TRAK1: variants seen among roughly 807,000 people sequenced by gnomAD.
The protein encoded by TRAK1 is trafficking kinesin protein 1.
TRAK1 carries 33 observed loss-of-function variants against 92.1 expected under a neutral mutation model. The ratio of observed to expected loss-of-function variants is 0.36; its 90% CI spans 0.27 to 0.48. The LOEUF is 0.48. Among genes scored for constraint, TRAK1 ranks in the 20% least tolerant of loss-of-function variants. The pLI is 0.99. For synonymous variants in TRAK1, 521 were observed against 517.3 expected (o/e 1.01, Z -0.10); for missense variants, 1,123 against 1,257.9 (o/e 0.89, Z 1.62).
At chr3:42,152,793 TAAAG>T (rs757826219) in intron 2 of TRAK1, among the ~76,000 whole-genome samples, 3 of 152,200 alleles carry the variant, frequency 2.0e-5, no homozygotes, top group Non-Finnish European at 4.4e-5. Flanking sequence ...GTCCTTATGT[TAAAG>T]AAACAGCCCT....
At chr3:42,196,879 C>T (rs559058874) in intron 10 of TRAK1, among the ~76,000 whole-genome samples, 80 of 151,932 alleles carry the variant, frequency 5.3e-4, no homozygotes, top group African/African-American at 1.8e-3. Context: ...ACAGCTGCCT[C>T]ACAACACCAC....
At chr3:42,212,390 G>C in intron 14 of TRAK1, 1 of 985,396 alleles carries the variant, frequency 1.0e-6, no homozygotes, top group Non-Finnish European at 1.2e-6. Flanking sequence ...ATGTGCAGCT[G>C]GTATGATAGA....
intron 13 of TRAK1, 47 bp from the exon 14 acceptor site, chr3:42,209,720 C>T (rs755674214): frequency 4.5e-6 from 7 of 1,571,556 alleles, no homozygotes; most frequent in Non-Finnish European, 6.1e-6. Context: ...CCATCCTAAC[C>T]CTCTCTTCTC....
At chr3:42,018,942 T>G (rs1320589163) in intron 1 of TRAK1, among the ~76,000 whole-genome samples, 2 of 152,040 alleles carry the variant, frequency 1.3e-5, no homozygotes, top group Non-Finnish European at 1.5e-5. Flanking sequence ...GCCAACATGG[T>G]GAAACCCCGT....
intron 2 of TRAK1, among the ~76,000 whole-genome samples, chr3:42,128,909 T>A (rs2149158593): frequency 6.6e-6 from 1 of 152,378 alleles, no homozygotes; most frequent in African/African-American, 2.4e-5. Flanking sequence ...TACACTGGAA[T>A]TCTGTCTTAT....
At position 42,193,838 on chromosome 3, in the gene TRAK1, T is replaced by C. The variant is rs1288223185; in HGVS notation, c.915T>C (p.Asn305=). ...CCATGCTTTAGTGCGCAGTGGAAAA[T>C]GAAGAACTTGTCCAGCATCTGGGGG... ...QKKAKACAVE[N]EELVQHLGAA... The change falls in exon 9 of 16, where the codon AAT becomes AAC. Residue 305 remains asparagine (N), a synonymous_variant. Coordinates refer to ENST00000327628, the MANE Select transcript of TRAK1 (RefSeq NM_001042646.3). 2 of 1,613,926 alleles carry C rather than the reference T, an allele frequency of 1.2e-6. No homozygotes were observed. Among genetic ancestry groups the C allele is most frequent in the Admixed American group, 1.7e-5 (1 of 59,986 alleles).
At chr3:42,079,304 C>T (rs1704311762) in intron 1 of TRAK1, among the ~76,000 whole-genome samples, 1 of 152,102 alleles carries the variant, frequency 6.6e-6, no homozygotes, top group Non-Finnish European at 1.5e-5. Flanking sequence ...CTTGGTATAT[C>T]AGATGCCTCT....
At chr3:42,198,646 C>T (rs1229412101) in intron 10 of TRAK1, among the ~76,000 whole-genome samples, 3 of 152,030 alleles carry the variant, frequency 2.0e-5, no homozygotes, top group Non-Finnish European at 2.9e-5. Context: ...AAGGCTTCCC[C>T]AGGAGCCGAA....
At chr3:42,082,766 G>A (rs1364798364), upstream of TRAK1, among the ~76,000 whole-genome samples, 1 of 152,206 alleles carries the variant, frequency 6.6e-6, no homozygotes, top group Non-Finnish European at 1.5e-5. Flanking sequence ...CAACTTCTGT[G>A]TATGGATCAG....
At chr3:42,158,571 CTTTTTTT>C (rs10522929) in intron 2 of TRAK1, among the ~76,000 whole-genome samples, 3 of 147,344 alleles carry the variant, frequency 2.0e-5, no homozygotes, top group Non-Finnish European at 4.5e-5. Flanking sequence ...ATTTCTACAC[CTTTTTTT>C]TTTTTTTTTT....
chr3:42,135,571 G>C (rs1697848151), intron 2 of TRAK1, among the ~76,000 whole-genome samples: 1 of 152,074 alleles, frequency 6.6e-6, no homozygotes, highest in Admixed American at 6.6e-5. Flanking sequence ...TACAAAAAAA[G>C]AAAAACAAAA....
At position 42,202,921 on chromosome 3, in the gene TRAK1, C is replaced by T. The variant is rs1283410533; in HGVS notation, c.1744+169C>T. On this transcript the variant is annotated intron_variant, in intron 13 of 15. Transcript: ENST00000327628. The surrounding 1 kb of genome is among the most constrained non-coding windows in gnomAD (Gnocchi z 6.1). ...CTCTGAGGGTGGTGCTCAGCCTAGG[C>T]CTCCGTCCCTCCCCTCTGGCTGGCA... 3 of 1,416,954 alleles carry T rather than the reference C, an allele frequency of 2.1e-6. No individual in the cohort carries two copies. The highest frequency in any genetic ancestry group is 1.8e-6 in the Non-Finnish European group (2 of 1,085,554). The allele number at this position is 1,416,954 out of a possible 1,614,324, so 87.8% of individuals were successfully genotyped here. A position where few individuals can be genotyped will look rare whatever the true frequency, so the allele number is the denominator to read the frequency against.
intron 14 of TRAK1, among the ~76,000 whole-genome samples, chr3:42,216,260 T>C (rs1347614129): frequency 6.6e-6 from 1 of 152,106 alleles, no homozygotes; most frequent in Non-Finnish European, 1.5e-5. Context: ...CTGCTCTATA[T>C]AGTGCAGTCT....
chr3:42,164,581 A>G (rs1272973972), intron 2 of TRAK1, among the ~76,000 whole-genome samples: 2 of 152,164 alleles, frequency 1.3e-5, no homozygotes, highest in African/African-American at 4.8e-5. Context: ...ACAGAGTTCT[A>G]GGCCCTTCCC....
chr3:42,110,132 A>ATATG (rs58099544), intron 1 of TRAK1, among the ~76,000 whole-genome samples: 1 of 128,230 alleles, frequency 7.8e-6, no homozygotes, highest in Non-Finnish European at 1.7e-5. Flanking sequence ...ATATATATAT[A>ATATG]AACTTTGTGT....
chr3:42,049,421 C>G (rs1233202422), intron 1 of TRAK1, among the ~76,000 whole-genome samples: 2 of 151,742 alleles, frequency 1.3e-5, no homozygotes, highest in East Asian at 3.9e-4. Flanking sequence ...TCAGTGGGCC[C>G]TTTCCATCTA....
chr3:42,183,699 C>T (rs1704369885), intron 3 of TRAK1, among the ~76,000 whole-genome samples: 1 of 152,092 alleles, frequency 6.6e-6, no homozygotes, highest in African/African-American at 2.4e-5. Context: ...ATTTTTCCTA[C>T]CCCAAACGAC....
At chr3:42,073,275 G>C (rs1704013063) in intron 1 of TRAK1, among the ~76,000 whole-genome samples, 1 of 152,140 alleles carries the variant, frequency 6.6e-6, no homozygotes, top group Admixed American at 6.5e-5. Flanking sequence ...CCCTGACACT[G>C]CTCCGACTTT....
chr3:42,185,875 C>T (rs6788930), intron 4 of TRAK1, among the ~76,000 whole-genome samples: 105,256 of 151,072 alleles, frequency 0.7, 37,150 homozygotes, highest in East Asian at 0.98. Context: ...GGTTTCACCA[C>T]GTTGGCCAGG....
Sources: gnomAD v4.1 joint callset for allele counts (sites outside exome capture counted in the v4.1 genomes callset) on GRCh38, gnomAD v4.1.1 for gene constraint, Gnocchi (gnomAD v3.1) non-coding constraint, MANE v1.5 for transcripts, NCBI Gene and HGNC (gene_info 2026-07-23, HGNC 2026-07-21) for gene names.